Variants in HLTF observed in about 807,000 individuals in gnomAD.
HLTF encodes the protein DNA-dependent ATPase/E3 ubiquitin-protein ligase HLTF.
HLTF carries 127 observed loss-of-function variants against 129.4 expected under a neutral mutation model. The ratio of observed to expected loss-of-function variants is 0.98; its 90% confidence interval spans 0.85 to 1.14. The LOEUF (loss-of-function observed/expected upper bound fraction) is 1.14, where lower values mean the gene tolerates loss of function less well. Among genes scored for constraint, HLTF ranks in the 50% most tolerant of loss-of-function variants. HLTF has a pLI of 0.00. For missense variants in HLTF, 1,139 were observed against 1,187.1 expected (o/e 0.96, Z 0.60); for synonymous variants, 332 against 388.8 (o/e 0.85, Z 1.72).
At chr3:149,052,175 AT>A (rs998375234) in intron 14 of HLTF, 1 of 151,356 alleles carries the variant, frequency 6.6e-6, no homozygotes, top group African/African-American at 2.4e-5. Flanking sequence ...AAAAAAATCA[AT>A]CCAGCAAAGA....
chr3:149,047,883 T>G, intron 17 of HLTF, 145 bp downstream of exon 17: 1 of 508,306 alleles, frequency 2.0e-6, no homozygotes, highest in South Asian at 4.6e-5. Context: ...ATCACTAGGT[T>G]CTGAAAGACA....
intron 4 of HLTF, among the ~76,000 whole-genome samples, chr3:149,073,625 T>A (rs1719065065): frequency 6.6e-6 from 1 of 152,072 alleles, no homozygotes; most frequent in Non-Finnish European, 1.5e-5. Context: ...GCCCAGGAGG[T>A]CAAGGTTGCA....
At chr3:149,060,592 G>A (rs760111829) in intron 12 of HLTF, 51 bp downstream of exon 12, 7 of 1,379,294 alleles carry the variant, frequency 5.1e-6, no homozygotes, top group Non-Finnish European at 7.1e-6. Flanking sequence ...CAATGGAGCT[G>A]TACTTTAATA....
rs1337209610 is a variant in HLTF, at chr3:149,039,088, C to G, written c.2757G>C (p.Leu919Phe). Residue 919 changes from leucine to phenylalanine, a missense_variant, in exon 23 of 25, where the codon TTG becomes TTC. By Grantham distance (22) the Leu-to-Phe change is conservative. Coordinates refer to ENST00000310053, the MANE Select transcript of HLTF (RefSeq NM_003071.4). ...LLSLKAGGVG[L>F]NLSAASRVFL... ...ACACTCGAGAAGCTGCAGACAGATT[C>G]AAACCAACTCCACCTGCTTTTAAGG... The G allele has an allele frequency of 1.6e-5, 25 of 1,608,522 alleles. No individual in the cohort carries two copies. Among genetic ancestry groups the G allele is most frequent in the Non-Finnish European group, 1.8e-5 (21 of 1,178,138 alleles).
At chr3:149,052,771 G>A (rs1015069733) in intron 14 of HLTF, among the ~76,000 whole-genome samples, 2 of 152,336 alleles carry the variant, frequency 1.3e-5, no homozygotes, top group Admixed American at 1.3e-4. Flanking sequence ...AATCCAGCAT[G>A]ACAAAGAATC....
Position 149,084,709 on chromosome 3 carries a change from C to G in HLTF, c.201G>C (p.Val67=), listed in dbSNP as rs775876671. 1.2e-6 allele frequency: 2 copies of G among 1,613,778 alleles called. No homozygotes were observed. The highest frequency in any genetic ancestry group is 1.7e-6 in the Non-Finnish European group (2 of 1,179,712). The change falls in exon 2 of 25, where the codon GTG becomes GTC. Residue 67 remains valine, a synonymous_variant. Coordinates refer to ENST00000310053, the MANE Select transcript of HLTF (RefSeq NM_003071.4). The stretch of plus-strand genomic sequence containing the variant: ...CTCCCGTGTAATAGCGTAGTCCAAC[C>G]ACATGACCTCTCAAACTTCCAAATA... The part of the protein sequence containing the change: ...SVLFGSLRGH[V]VGLRYYTGVV...
intron 10 of HLTF, chr3:149,063,198 TA>T: frequency 2.2e-6 from 1 of 444,572 alleles, no homozygotes; most frequent in South Asian, 1.8e-5. Context: ...TAACTGGGAC[TA>T]CAGGCGCCCA....
chr3:149,056,843 C>T (rs905429626), intron 13 of HLTF, among the ~76,000 whole-genome samples: 1 of 152,198 alleles, frequency 6.6e-6, no homozygotes, highest in African/African-American at 2.4e-5. Context: ...GGCGCGGTGG[C>T]TCACGCCTGT....
At chr3:149,086,213 A>G in intron 1 of HLTF, 104 bp downstream of exon 1, 1 of 1,204,958 alleles carries the variant, frequency 8.3e-7, no homozygotes, top group Non-Finnish European at 1.2e-6. Context: ...ATACAGCTGC[A>G]CAAATCGCCC....
At chr3:149,075,355 C>G (rs138274556) in intron 3 of HLTF, among the ~76,000 whole-genome samples, 1 of 152,302 alleles carries the variant, frequency 6.6e-6, no homozygotes, top group Non-Finnish European at 1.5e-5. Context: ...TCGAGACAGC[C>G]TGGCCAACAT....
At chr3:149,062,480 T>C (rs1011685014) in intron 10 of HLTF, among the ~76,000 whole-genome samples, 5 of 152,216 alleles carry the variant, frequency 3.3e-5, no homozygotes, top group African/African-American at 9.6e-5. Context: ...GTTGATGAAA[T>C]AGCTAGCAGA....
At chr3:149,049,565 C>T (rs949437419) in intron 15 of HLTF, among the ~76,000 whole-genome samples, 2 of 152,072 alleles carry the variant, frequency 1.3e-5, no homozygotes, top group African/African-American at 4.8e-5. Context: ...TACCTTCAAA[C>T]TGAGATATTA....
At chr3:149,038,450 A>T (rs2107957675) in intron 23 of HLTF, among the ~76,000 whole-genome samples, 1 of 152,344 alleles carries the variant, frequency 6.6e-6, no homozygotes, top group African/African-American at 2.4e-5. Flanking sequence ...TACTGGGCAC[A>T]TTATTTACTT....
intron 7 of HLTF, among the ~76,000 whole-genome samples, chr3:149,070,146 C>A (rs1490438005): frequency 1.3e-5 from 2 of 152,142 alleles, no homozygotes. Flanking sequence ...CAACAATTAA[C>A]CTTTAATAAA....
Position 149,048,155 on chromosome 3 carries a change from T to C in HLTF, c.1765A>G (p.Ile589Val). The C allele has an allele frequency of 2.5e-6, 4 of 1,604,934 alleles. No homozygotes were observed. The highest frequency in any genetic ancestry group is 3.4e-6 in the Non-Finnish European group (4 of 1,176,866). Residue 589 changes from isoleucine to valine, a missense_variant, in exon 17 of 25, where the codon ATC becomes GTC. By Grantham distance (29) the Ile-to-Val change is conservative. Transcript: ENST00000310053. ...ERRWVLTGTP[I>V]QNSLKDLWSL... Reference sequence around the variant, plus strand: ...CACAAGTCCTTTAAAGAATTCTGGATTGGAGTACCTAGAAATAACAGGAAA... The same window carrying C: ...CACAAGTCCTTTAAAGAATTCTGGACTGGAGTACCTAGAAATAACAGGAAA...
Position 149,084,846 on chromosome 3 carries a change from G to A in HLTF, c.64C>T (p.His22Tyr), listed in dbSNP as rs989587270. 1.1e-5 allele frequency: 18 copies of A among 1,613,994 alleles called. No individual in the cohort carries two copies. The highest frequency in any genetic ancestry group is 1.5e-5 in the Non-Finnish European group (18 of 1,179,954). The change falls in exon 2 of 25, where the codon CAT becomes TAT. Residue 22 changes from histidine to tyrosine, a missense_variant. Transcript: ENST00000310053. ...TATGAGAGGCGTGGAAAATTTCCAT[G>A]AACTCCATACTGGACAGTCTGCAAG... ...KYLQTVQYGV[H>Y]GNFPRLSYPT...
rs138717471 is a variant in HLTF at position 149,042,177 on chromosome 3, T to C, written c.2186A>G (p.Asn729Ser). 4.5e-4 allele frequency: 725 copies of C among 1,613,124 alleles called. 5 individuals carry two copies. Among genetic ancestry groups the C allele is most frequent in the South Asian group, 9.4e-4 (86 of 91,032 alleles). Residue 729 changes from asparagine to serine, a missense_variant, in exon 19 of 25, where the codon AAT becomes AGT. By Grantham distance (46) the Asn-to-Ser change is conservative (BLOSUM62 1). Transcript: ENST00000310053. ...TYLLTNAVSS[N>S]GPSGNDTPEE... ...TCAAATTTACCTACCTGAGGGGCCA[T>C]TGGAAGACACTGCATTTGTAAGAAG... is the stretch of plus-strand genomic sequence containing the variant.
intron 24 of HLTF, among the ~76,000 whole-genome samples, chr3:149,033,025 A>G (rs13087362): frequency 6.6e-6 from 1 of 151,940 alleles, no homozygotes; most frequent in African/African-American, 2.4e-5. Context: ...AGTATAATTC[A>G]CAACACTAAC....
At chr3:149,076,584 T>C (rs1206450429) in intron 2 of HLTF, among the ~76,000 whole-genome samples, 1 of 152,178 alleles carries the variant, frequency 6.6e-6, no homozygotes, top group Non-Finnish European at 1.5e-5. Context: ...TTCTCCAGAA[T>C]ATAAAAGTCA....
Sources: gnomAD v4.1 joint callset for allele counts (sites outside exome capture counted in the v4.1 genomes callset) on GRCh38, gnomAD v4.1.1 for gene constraint, MANE v1.5 for transcripts, NCBI Gene and HGNC (gene_info 2026-07-23, HGNC 2026-07-21) for gene names.